The following RBFOX1 variants were observed in gnomAD, a reference collection of about 807,000 sequenced individuals.
RBFOX1 encodes RNA binding protein fox-1 homolog 1.
RBFOX1 carries 8 observed loss-of-function variants against 57.7 expected under a neutral mutation model. That is an observed-to-expected ratio of 0.14 (90% CI 0.08 to 0.25). The LOEUF is 0.25. RBFOX1 is among the 10% of genes least tolerant of loss of function. The pLI, the probability that RBFOX1 is intolerant of heterozygous loss-of-function variation, is 1.00. For missense variants in RBFOX1, 611 were observed against 548.5 expected (o/e 1.11, Z -1.14); for synonymous variants, 326 against 222.4 (o/e 1.47, Z -4.15).
At chr16:5,261,126 T>C (rs2062721439) in intron 1 of RBFOX1, 1 of 152,244 alleles carries the variant, frequency 6.6e-6, no homozygotes, top group African/African-American at 2.4e-5. Flanking sequence ...ATTTTAGACC[T>C]GATTAATTGA....
rs531252646 is a variant in RBFOX1 at position 6,963,182 on chromosome 16, T to G, written c.-15-88875T>G. The stretch of plus-strand genomic sequence containing the variant: ...GCCACCCAAGCCTAGCACTGCTATT[T>G]TTTTTCGGAGTCCGTCATGCCATAA... On this transcript the variant is annotated intron_variant, in intron 3 of 15. Coordinates refer to ENST00000550418, the MANE Select transcript of RBFOX1 (RefSeq NM_018723.4). 3.9e-5 allele frequency among the ~76,000 whole-genome samples: 6 copies of G among 152,282 alleles called. No individual in the cohort carries two copies. The South Asian group carries it at 1.2e-3, about 32-fold the overall frequency.
At chr16:6,434,523 T>C (rs2153012188) in intron 2 of RBFOX1, among the ~76,000 whole-genome samples, 1 of 152,332 alleles carries the variant, frequency 6.6e-6, no homozygotes, top group East Asian at 1.9e-4. Context: ...GATTAGCTCA[T>C]GTATGTAATG....
At chr16:7,690,451 A>C (rs939752686) in intron 14 of RBFOX1, among the ~76,000 whole-genome samples, 10 of 152,148 alleles carry the variant, frequency 6.6e-5, no homozygotes, top group African/African-American at 2.2e-4. Context: ...ATGTGCAGCC[A>C]AGGTTGAGAA....
intron 3 of RBFOX1, among the ~76,000 whole-genome samples, chr16:6,778,177 C>T (rs2079711008): frequency 1.3e-5 from 2 of 152,066 alleles, no homozygotes; most frequent in African/African-American, 2.4e-5. Context: ...AAAGATCACA[C>T]AATCGATTAA....
At position 7,510,088 on chromosome 16, in the gene RBFOX1, A is replaced by G; in HGVS notation, c.28-8059A>G. 5.1e-6 allele frequency: 5 copies of G among 972,118 alleles called. No individual in the cohort carries two copies. The South Asian group carries it at 2.4e-4, about 46-fold the overall frequency. The allele number at this position is 972,118 out of a possible 1,614,324, so 60.2% of individuals were successfully genotyped here. A position where few individuals can be genotyped will look rare whatever the true frequency, so the allele number is the denominator to read the frequency against. ...TGATGGGCCAGGCCTTCCTGGCAGA[A>G]AAAGTGCCATCTGGGTTGGTTTTGG... On this transcript the variant is annotated intron_variant, in intron 4 of 15. Transcript: ENST00000550418.
chr16:7,442,760 G>C (rs531038226), intron 4 of RBFOX1, among the ~76,000 whole-genome samples: 1 of 152,162 alleles, frequency 6.6e-6, no homozygotes, highest in Non-Finnish European at 1.5e-5. Context: ...GTTGCTAATA[G>C]AAACCATGGC....
At chr16:6,265,778 A>G (rs1055619225) in intron 1 of RBFOX1, among the ~76,000 whole-genome samples, 2 of 151,964 alleles carry the variant, frequency 1.3e-5, no homozygotes, top group Non-Finnish European at 2.9e-5. Context: ...TTTTGAACCA[A>G]CTACTCTGAA....
chr16:5,516,368 C>T (rs2043792937), intron 2 of RBFOX1, among the ~76,000 whole-genome samples: 1 of 152,154 alleles, frequency 6.6e-6, no homozygotes. Context: ...TCTTCCATCA[C>T]TTCCTGTCTC....
At chr16:7,471,211 G>T (rs993495671) in intron 4 of RBFOX1, among the ~76,000 whole-genome samples, 2 of 152,122 alleles carry the variant, frequency 1.3e-5, no homozygotes, top group South Asian at 2.1e-4. Context: ...GTGCCTGTTT[G>T]TTCATTGCAT....
intron 1 of RBFOX1, among the ~76,000 whole-genome samples, chr16:5,252,109 G>C (rs772056317): frequency 6.6e-6 from 1 of 152,148 alleles, no homozygotes; most frequent in African/African-American, 2.4e-5. Flanking sequence ...TGGATGCCAG[G>C]TGACCCTCTG....
chr16:7,054,456 T>G (rs1020542785), intron 4 of RBFOX1, among the ~76,000 whole-genome samples: 5 of 148,108 alleles, frequency 3.4e-5, no homozygotes, highest in African/African-American at 1.2e-4. Flanking sequence ...TTGGCCAGGA[T>G]GGTCTCGATC....
intron 4 of RBFOX1, among the ~76,000 whole-genome samples, chr16:7,076,806 C>G (rs2058378893): frequency 6.6e-6 from 1 of 152,176 alleles, no homozygotes; most frequent in South Asian, 2.1e-4. Context: ...TATGCCCACT[C>G]ATATACCTCC....
At chr16:6,955,757 G>A (rs1341335883) in intron 3 of RBFOX1, among the ~76,000 whole-genome samples, 1 of 151,748 alleles carries the variant, frequency 6.6e-6, no homozygotes, top group Non-Finnish European at 1.5e-5. Context: ...AAGCTGGAGT[G>A]CAGTGCCGCT....
At chr16:6,214,293 GA>G (rs1374403229) in intron 1 of RBFOX1, among the ~76,000 whole-genome samples, 1 of 152,054 alleles carries the variant, frequency 6.6e-6, no homozygotes, top group African/African-American at 2.4e-5. Flanking sequence ...CTCCAAGGAT[GA>G]AAGAGTAGGA....
chr16:6,412,810 G>A (rs886792458), intron 2 of RBFOX1, among the ~76,000 whole-genome samples: 2 of 152,152 alleles, frequency 1.3e-5, no homozygotes, highest in Non-Finnish European at 2.9e-5. Flanking sequence ...TTGTGAGCCC[G>A]ACATGCTTAC....
chr16:5,710,419 G>A (rs765760909), intron 3 of RBFOX1, among the ~76,000 whole-genome samples: 1 of 152,164 alleles, frequency 6.6e-6, no homozygotes, highest in Non-Finnish European at 1.5e-5. Flanking sequence ...GCCTTGCGCA[G>A]TTGCGGGCCT....
At chr16:6,630,074 A>G (rs1025361206) in intron 2 of RBFOX1, among the ~76,000 whole-genome samples, 7 of 151,908 alleles carry the variant, frequency 4.6e-5, no homozygotes, top group Non-Finnish European at 8.8e-5. Flanking sequence ...TCTGACAGGA[A>G]GAGGGTTTTC....
Position 7,278,260 on chromosome 16 carries a change from A to T in RBFOX1, c.27+226162A>T, listed in dbSNP as rs541677867. Among the ~76,000 whole-genome samples, 3 of 152,322 alleles carry T rather than the reference A, an allele frequency of 2.0e-5. No individual in the cohort carries two copies. In the South Asian group the frequency reaches 6.2e-4, roughly 32 times the overall value. On this transcript the variant is annotated intron_variant, in intron 4 of 15. Coordinates refer to ENST00000550418, the MANE Select transcript of RBFOX1 (RefSeq NM_018723.4). ...GCCTATTCACAAACCCCTTGATTGA[A>T]TTGCAAGTATACCAGCTAATTAGAC...
intron 4 of RBFOX1, among the ~76,000 whole-genome samples, chr16:7,089,894 C>G (rs1325060014): frequency 3.2e-5 from 4 of 126,560 alleles, no homozygotes; most frequent in Non-Finnish European, 6.5e-5. Flanking sequence ...ATCTTTAATT[C>G]AGATTTTTTT....
Sources: allele counts gnomAD v4.1 joint callset (sites outside exome capture counted in the v4.1 genomes callset), GRCh38; gene constraint gnomAD v4.1.1; transcripts MANE v1.5; gene names NCBI Gene and HGNC (gene_info 2026-07-23, HGNC 2026-07-21).